The following ALG9 variants were observed in gnomAD, a reference collection of about 807,000 sequenced individuals.
ALG9 encodes the protein ALG9 alpha-1,2-mannosyltransferase, also known as alpha-1,2-mannosyltransferase ALG9.
A neutral mutation model predicts 81.8 loss-of-function variants in ALG9; 55 were observed. The ratio of observed to expected loss-of-function variants is 0.67; its 90% CI spans 0.54 to 0.84. ALG9 has a LOEUF of 0.84. Ranked by LOEUF, ALG9 falls within the 40% of genes least tolerant of loss-of-function variation. ALG9 has a pLI of 0.00. For synonymous variants in ALG9, 278 were observed against 274.3 expected, an observed-to-expected ratio of 1.01 and a Z score of -0.13; for missense variants, 629 against 745.0, an observed-to-expected ratio of 0.84 and a Z score of 1.81.
chr11:111,781,805 G>A (rs981890039), downstream of ALG9, among the ~76,000 whole-genome samples: 6 of 152,040 alleles, frequency 3.9e-5, no homozygotes, highest in Non-Finnish European at 5.9e-5. Flanking sequence ...GCGCCACTAC[G>A]CCCAGCTATT....
intron 8 of ALG9, among the ~76,000 whole-genome samples, chr11:111,849,213 G>A (rs919966073): frequency 3.3e-5 from 5 of 152,014 alleles, no homozygotes; most frequent in Admixed American, 2.0e-4. Flanking sequence ...ACCACGCCCA[G>A]CTAATTTTTG....
chr11:111,810,289 G>A (rs979912444), intron 13 of ALG9, among the ~76,000 whole-genome samples: 2 of 152,022 alleles, frequency 1.3e-5, no homozygotes, highest in South Asian at 2.1e-4. Flanking sequence ...ACATTGGAAC[G>A]GCTCCTGCAG....
chr11:111,770,260 A>G, the ALG9 span, among the ~76,000 whole-genome samples: 4 of 152,170 alleles, frequency 2.6e-5, no homozygotes, highest in Admixed American at 6.5e-5. Context: ...ATGGGGCCAG[A>G]TGGTTTACAG....
At position 111,837,453 on chromosome 11, in the gene ALG9, T is replaced by C; in HGVS notation, c.1472+15A>G. On this transcript the variant is annotated intron_variant, in intron 12 of 14. Coordinates refer to ENST00000616540, the MANE Select transcript of ALG9 (RefSeq NM_024740.2). ...CTCCTTCATTTAAAACCCTAGGAAT[T>C]AAAGGACAACTTACTTGTCAGGAAG... 6.2e-7 allele frequency: 1 copy of C among 1,613,824 alleles called. No homozygotes were observed. The highest frequency in any genetic ancestry group is 8.5e-7 in the Non-Finnish European group (1 of 1,179,982).
chr11:111,806,449 C>T (rs534044277), intron 14 of ALG9, among the ~76,000 whole-genome samples: 4 of 152,340 alleles, frequency 2.6e-5, no homozygotes, highest in African/African-American at 9.6e-5. Flanking sequence ...GCTTCTGACA[C>T]AGGTGACCAC....
At chr11:111,853,358 C>T in intron 8 of ALG9, 22 bp downstream of exon 8, 3 of 1,587,392 alleles carry the variant, frequency 1.9e-6, no homozygotes, top group Non-Finnish European at 2.6e-6. Context: ...CTAACACTTG[C>T]CCAAATTTCA....
chr11:111,856,289 A>AG (rs576849937), intron 6 of ALG9, among the ~76,000 whole-genome samples: 1,647 of 150,736 alleles, frequency 0.011, 31 homozygotes, highest in African/African-American at 0.038. Flanking sequence ...AAAAAAAAAA[A>AG]AAAAAAAGAA....
At chr11:111,867,792 G>C (rs1592434758) in intron 3 of ALG9, among the ~76,000 whole-genome samples, 1 of 152,246 alleles carries the variant, frequency 6.6e-6, no homozygotes, top group East Asian at 1.9e-4. Context: ...GCACTGTTGT[G>C]CTCCTACGAT....
intron 13 of ALG9, among the ~76,000 whole-genome samples, chr11:111,813,482 G>A (rs1475737878): frequency 6.6e-6 from 1 of 152,082 alleles, no homozygotes; most frequent in Non-Finnish European, 1.5e-5. Context: ...CACACCTGTG[G>A]TCCTAACTAC....
At chr11:111,779,355 A>G (rs1335817880), downstream of ALG9, among the ~76,000 whole-genome samples, 1 of 152,096 alleles carries the variant, frequency 6.6e-6, no homozygotes, top group African/African-American at 2.4e-5. Flanking sequence ...GAAGGTCAAG[A>G]GAGCTCTTGT....
chr11:111,868,775 C>A, intron 2 of ALG9, 39 bp from the exon 3 acceptor site: 1 of 1,524,738 alleles, frequency 6.6e-7, no homozygotes, highest in Non-Finnish European at 8.8e-7. Context: ...GTTATACTGG[C>A]CAAAAATCTC....
rs376870231 is a variant in ALG9 at position 111,841,363 on chromosome 11, CA to C, written c.1019-555del. ...ATGACGGAGTTTGTTTCAAGGCAAA[CA>C]TAAAAATGCTCTTAAAGGAAGTTCA... is the stretch of plus-strand genomic sequence containing the variant. On this transcript the variant is annotated intron_variant, in intron 9 of 14. Coordinates refer to ENST00000616540, the MANE Select transcript of ALG9 (RefSeq NM_024740.2). Among the ~76,000 whole-genome samples, 29 of 152,282 alleles carry C rather than the reference CA, an allele frequency of 1.9e-4. No individual in the cohort carries two copies. The Middle Eastern group carries it at 0.01, about 54-fold the overall frequency.
At chr11:111,793,621 C>T (rs557409673) in intron 14 of ALG9, among the ~76,000 whole-genome samples, 1 of 152,138 alleles carries the variant, frequency 6.6e-6, no homozygotes, top group Admixed American at 6.5e-5. Flanking sequence ...ATTAGCCAGG[C>T]ATGGTGGCGG....
rs1946271788 is a variant in ALG9 at position 111,784,561 on chromosome 11, T to C, written c.*1836A>G. The C allele has an allele frequency of 6.6e-6, 1 of 152,042 alleles. No individual in the cohort carries two copies. Among genetic ancestry groups the C allele is most frequent in the East Asian group, 1.9e-4 (1 of 5,184 alleles). 9.4% of individuals were successfully genotyped at this position (152,042 alleles called of 1,614,324 possible). On this transcript the variant is annotated 3_prime_UTR_variant, in exon 15 of 15. Transcript: ENST00000616540. ...GGTGAAACTCCAACTCTACTAAAAA[T>C]ACATAAATTAGCTGGGCATGATGGC...
chr11:111,801,452 T>C (rs1484684232), intron 14 of ALG9, among the ~76,000 whole-genome samples: 1 of 152,258 alleles, frequency 6.6e-6, no homozygotes, highest in Non-Finnish European at 1.5e-5. Flanking sequence ...TCTGGAACCC[T>C]AGACAGCCTG....
downstream of ALG9, among the ~76,000 whole-genome samples, chr11:111,780,466 G>T (rs1486892204): frequency 6.7e-6 from 1 of 149,000 alleles, no homozygotes; most frequent in African/African-American, 2.5e-5. Flanking sequence ...GCGTGATCTT[G>T]GCTCACTGCA....
At chr11:111,849,151 A>G (rs1440158011) in intron 8 of ALG9, among the ~76,000 whole-genome samples, 1 of 151,970 alleles carries the variant, frequency 6.6e-6, no homozygotes, top group African/African-American at 2.4e-5. Context: ...CCCGAGTTCA[A>G]GCAATTCTCG....
chr11:111,827,111 T>C (rs1953454290), intron 13 of ALG9, among the ~76,000 whole-genome samples: 1 of 152,228 alleles, frequency 6.6e-6, no homozygotes, highest in African/African-American at 2.4e-5. Context: ...CTTCCTACAT[T>C]GTTTCTGTTT....
chr11:111,804,132 C>CAAAAAAAAAAAAAAAAAAAAAAA (rs140492079), intron 14 of ALG9, among the ~76,000 whole-genome samples: 1 of 85,372 alleles, frequency 1.2e-5, no homozygotes, highest in African/African-American at 4.8e-5. Context: ...GACTCCATCT[C>CAAAAAAAAAAAAAAAAAAAAAAA]AAAAAAAAAA....
Sources: gnomAD v4.1 joint callset for allele counts (sites outside exome capture counted in the v4.1 genomes callset) on GRCh38, gnomAD v4.1.1 for gene constraint, MANE v1.5 for transcripts, NCBI Gene and HGNC (gene_info 2026-07-23, HGNC 2026-07-21) for gene names.